The following DNMT3A variants were observed in gnomAD, a reference collection of about 807,000 sequenced individuals.
DNMT3A encodes the protein DNA methyltransferase 3 alpha, also known as DNA (cytosine-5)-methyltransferase 3A.
A neutral mutation model predicts 117.6 loss-of-function variants in DNMT3A; 267 were observed. That is an observed-to-expected ratio of 2.27 (90% CI 2.05 to 2.51). The LOEUF (loss-of-function observed/expected upper bound fraction) is 2.51, where lower values mean the gene tolerates loss of function less well. Ranked by LOEUF, DNMT3A falls within the 30% of genes most tolerant of loss-of-function variation. DNMT3A has a pLI of 0.00. For missense variants in DNMT3A, 1,029 were observed against 1,260.2 expected (o/e 0.82, Z 2.78); for synonymous variants, 432 against 474.8 (o/e 0.91, Z 1.17).
Position 25,282,196 on chromosome 2 carries a change from G to A in DNMT3A, c.448+245C>T. On this transcript the variant is annotated intron_variant, in intron 4 of 22. Coordinates refer to ENST00000321117, the MANE Select transcript of DNMT3A (RefSeq NM_022552.5). The surrounding 1 kb of genome is among the most constrained non-coding windows in gnomAD (Gnocchi z 5.2). ...AGAAGCCAAAACTCCAGATTTTTATGTGAAATTTTTTGATTTTTAAATACT... is the reference window on the plus strand; with the variant it reads ...AGAAGCCAAAACTCCAGATTTTTATATGAAATTTTTTGATTTTTAAATACT... 8.2e-7 allele frequency: 1 copy of A among 1,223,444 alleles called. No individual in the cohort carries two copies. The allele number at this position is 1,223,444 out of a possible 1,614,324, so 75.8% of individuals were successfully genotyped here.
intron 6 of DNMT3A, chr2:25,249,616 AC>A: frequency 6.2e-7 from 1 of 1,612,790 alleles, no homozygotes; most frequent in Non-Finnish European, 8.5e-7. Context: ...AATAAGCCAA[AC>A]CCCAGTTATT....
At chr2:25,263,823 T>C (rs1290442391) in intron 6 of DNMT3A, among the ~76,000 whole-genome samples, 3 of 152,222 alleles carry the variant, frequency 2.0e-5, no homozygotes, top group Non-Finnish European at 2.9e-5. Flanking sequence ...AGCAGTCCTG[T>C]TCAGGTCAAT....
In DNMT3A at chr2:25,236,899, C is replaced by G; in HGVS notation, c.2478+37G>C. On this transcript the variant is annotated intron_variant, in intron 21 of 22. Coordinates refer to ENST00000321117, the MANE Select transcript of DNMT3A (RefSeq NM_022552.5). This position sits in a 1 kb window ranked among gnomAD's most constrained non-coding sequence, Gnocchi z 4.5. ...CACCTCATCCTGCCCTTCCTTCTCC[C>G]TGCCCCCCAGCAGAGGTTCTAGACG... 6.3e-7 allele frequency: 1 copy of G among 1,597,564 alleles called. No homozygotes were observed. Among genetic ancestry groups the G allele is most frequent in the Non-Finnish European group, 8.5e-7 (1 of 1,171,864 alleles).
rs1672997495 is a variant in DNMT3A at position 25,233,582 on chromosome 2, CTT to C, written c.*695_*696del. On this transcript the variant is annotated 3_prime_UTR_variant, in exon 23 of 23. Transcript: ENST00000321117. ...CACCTGAAATACTGTAGAAAAATGT[CTT>C]GTGTGGTGTTCTCGTCTCCCTGCTG... 4.3e-6 allele frequency: 1 copy of C among 233,146 alleles called. No homozygotes were observed. Among genetic ancestry groups the C allele is most frequent in the East Asian group, 6.0e-5 (1 of 16,648 alleles). 14.4% of individuals were successfully genotyped at this position (233,146 alleles called of 1,614,324 possible). A position where few individuals can be genotyped will look rare whatever the true frequency, so the allele number is the denominator to read the frequency against.
intron 1 of DNMT3A, among the ~76,000 whole-genome samples, chr2:25,316,063 G>A (rs1380428168): frequency 2.0e-5 from 3 of 152,234 alleles, no homozygotes; most frequent in Admixed American, 6.5e-5. Context: ...GACCGGCCAA[G>A]GAAGCTGTTG....
Position 25,247,486 on chromosome 2 carries a change from C to T in DNMT3A, c.1014+105G>A, listed in dbSNP as rs1674951750. Reference sequence around the variant, plus strand: ...ACAGGCAGAGTAGGGGTGAGCAGAACCCACTTCCATCACCCCAATTCCAGA... The same window carrying T: ...ACAGGCAGAGTAGGGGTGAGCAGAATCCACTTCCATCACCCCAATTCCAGA... On this transcript the variant is annotated intron_variant, in intron 8 of 22. Coordinates refer to ENST00000321117, the MANE Select transcript of DNMT3A (RefSeq NM_022552.5). The surrounding 1 kb of genome is among the most constrained non-coding windows in gnomAD (Gnocchi z 5.6). The T allele has an allele frequency of 7.3e-6, 11 of 1,508,234 alleles. No individual in the cohort carries two copies. The highest frequency in any genetic ancestry group is 1.3e-5 in the South Asian group (1 of 79,628). The allele number at this position is 1,508,234 out of a possible 1,614,324, so 93.4% of individuals were successfully genotyped here. A position where few individuals can be genotyped will look rare whatever the true frequency, so the allele number is the denominator to read the frequency against.
rs570747941 is a variant in DNMT3A, at chr2:25,259,952, C to G, written c.640-11700G>C. Among the ~76,000 whole-genome samples, 3 of 152,336 alleles carry G rather than the reference C, an allele frequency of 2.0e-5. No individual in the cohort carries two copies. In the East Asian group the frequency reaches 5.8e-4, roughly 29 times the overall value. ...ACCAAGTCCTTTCCGGTCTTTCCCC[C>G]CCAACCCTGTTTGGAAACTGTTCCC... On this transcript the variant is annotated intron_variant, in intron 6 of 22. Transcript: ENST00000321117.
intron 1 of DNMT3A, among the ~76,000 whole-genome samples, chr2:25,329,225 G>C (rs970615624): frequency 3.9e-5 from 6 of 152,126 alleles, no homozygotes; most frequent in Admixed American, 3.3e-4. Context: ...CAGAACCATG[G>C]GCCCTGCCTC....
chr2:25,288,262 G>A (rs143682624), intron 3 of DNMT3A, among the ~76,000 whole-genome samples: 10,315 of 151,104 alleles, frequency 0.068, 464 homozygotes, highest in East Asian at 0.094. Context: ...GTGAAACCCC[G>A]AATCTACTAA....
At chr2:25,332,154 G>A (rs970905774) in intron 1 of DNMT3A, among the ~76,000 whole-genome samples, 5 of 152,172 alleles carry the variant, frequency 3.3e-5, no homozygotes, top group Admixed American at 3.3e-4. Flanking sequence ...GCCCTAGAAT[G>A]ATCCTTCTCA....
rs879607094 is a variant in DNMT3A, at chr2:25,281,955, G to C, written c.448+486C>G. On this transcript the variant is annotated intron_variant, in intron 4 of 22. Transcript: ENST00000321117. The surrounding 1 kb of genome is among the most constrained non-coding windows in gnomAD (Gnocchi z 4.8). ...ACTCAGGGAGGCAAACAGGGTATCT[G>C]CTGCCCTTGAGTGCCCAGGCCAGGG... is the stretch of plus-strand genomic sequence containing the variant. 8 of 1,086,738 alleles carry C rather than the reference G, an allele frequency of 7.4e-6. No individual in the cohort carries two copies. Among genetic ancestry groups the C allele is most frequent in the Non-Finnish European group, 9.0e-6 (8 of 891,570 alleles). The allele number at this position is 1,086,738 out of a possible 1,614,324, so 67.3% of individuals were successfully genotyped here.
chr2:25,323,787 A>G (rs1028779656), intron 1 of DNMT3A, among the ~76,000 whole-genome samples: 14 of 152,224 alleles, frequency 9.2e-5, no homozygotes, highest in African/African-American at 2.9e-4. Context: ...CCGTGAGCAG[A>G]GCTTTACAAT....
In DNMT3A at chr2:25,230,949, C is replaced by T. The variant is rs1283061438; in HGVS notation, c.*3330G>A. On this transcript the variant is annotated 3_prime_UTR_variant, in exon 23 of 23. Coordinates refer to ENST00000321117, the MANE Select transcript of DNMT3A (RefSeq NM_022552.5). ...CTCGAGCAAGCCGGCCCACAGGAATCCCCCAGGCTTGCCATGCCCTTGGCT... is the reference window on the plus strand; with the variant it reads ...CTCGAGCAAGCCGGCCCACAGGAATTCCCCAGGCTTGCCATGCCCTTGGCT... The T allele has an allele frequency of 1.3e-5, 2 of 152,316 alleles. No individual in the cohort carries two copies. Among genetic ancestry groups the T allele is most frequent in the African/African-American group, 4.8e-5 (2 of 41,444 alleles). 9.4% of individuals were successfully genotyped at this position (152,316 alleles called of 1,614,324 possible).
chr2:25,275,062 C>A lies in DNMT3A; in HGVS notation c.518G>T (p.Gly173Val), dbSNP rs2031281181. 2 of 1,598,484 alleles carry A rather than the reference C, an allele frequency of 1.3e-6. No individual in the cohort carries two copies. The highest frequency in any genetic ancestry group is 1.1e-5 in the South Asian group (1 of 89,062). ...MEGSRGRLRG[G>V]LGWESSLRQR... ...ACGGAGGCTGGACTCCCAGCCCAAGCCACCCCGCAGCCGGCCCCGGGAGCC... is the reference window on the plus strand; with the variant it reads ...ACGGAGGCTGGACTCCCAGCCCAAGACACCCCGCAGCCGGCCCCGGGAGCC... Residue 173 changes from glycine (G) to valine (V), a missense_variant, in exon 6 of 23, where the codon GGC (glycine) becomes GTC (valine). Transcript: ENST00000321117.
At chr2:25,265,579 A>T (rs913025723) in intron 6 of DNMT3A, among the ~76,000 whole-genome samples, 4 of 152,176 alleles carry the variant, frequency 2.6e-5, no homozygotes, top group Non-Finnish European at 4.4e-5. Flanking sequence ...AGCACTTTGG[A>T]GGCTGAGGCA....
chr2:25,311,648 G>GATA lies in DNMT3A; in HGVS notation c.72+2262_72+2264dup, dbSNP rs1201286837. On this transcript the variant is annotated intron_variant, in intron 2 of 22. Coordinates refer to ENST00000321117, the MANE Select transcript of DNMT3A (RefSeq NM_022552.5). This position sits in a 1 kb window ranked among gnomAD's most constrained non-coding sequence, Gnocchi z 5.2. ...TGAGCCAGAGCAGTTACTATGGGTA[G>GATA]ATAATAATAGCAATCGTAATCCCTC... is the stretch of plus-strand genomic sequence containing the variant. Among the ~76,000 whole-genome samples the GATA allele has an allele frequency of 1.3e-5, 2 of 152,330 alleles. No individual in the cohort carries two copies. The highest frequency in any genetic ancestry group is 2.4e-5 in the African/African-American group (1 of 41,558).
At position 25,246,300 on chromosome 2, in the gene DNMT3A, T is replaced by TTCTTC; in HGVS notation, c.1284_1288dup (p.Asn430ArgfsTer223). 6.2e-7 allele frequency: 1 copy of TTCTTC among 1,604,890 alleles called. No individual in the cohort carries two copies. The highest frequency in any genetic ancestry group is 8.5e-7 in the Non-Finnish European group (1 of 1,175,130). ...GTCCGTGTACACTTCTTTGTAGGGA[T>TTCTTC]TCTTCTCTTCTGGAGGAGGAAAGCA... is the stretch of plus-strand genomic sequence containing the variant. On this transcript the variant is annotated frameshift_variant, in exon 11 of 23. Coordinates refer to ENST00000321117, the MANE Select transcript of DNMT3A (RefSeq NM_022552.5). LOFTEE classifies it high-confidence loss of function.
At chr2:25,295,762 G>T (rs985863826) in intron 3 of DNMT3A, among the ~76,000 whole-genome samples, 3 of 152,166 alleles carry the variant, frequency 2.0e-5, no homozygotes, top group African/African-American at 4.8e-5. Context: ...TAATGAAAGC[G>T]GTCCCCAACT....
chr2:25,308,454 A>G (rs2033901037), intron 2 of DNMT3A, among the ~76,000 whole-genome samples: 1 of 152,124 alleles, frequency 6.6e-6, no homozygotes, highest in African/African-American at 2.4e-5. Flanking sequence ...ATAATGTCCA[A>G]TTTAAGAGAA....
Sources: gnomAD v4.1 joint callset for allele counts (sites outside exome capture counted in the v4.1 genomes callset) on GRCh38, gnomAD v4.1.1 for gene constraint, Gnocchi (gnomAD v3.1) non-coding constraint, MANE v1.5 for transcripts, NCBI Gene and HGNC (gene_info 2026-07-23, HGNC 2026-07-21) for gene names.